The following SLC25A53 variants were observed in gnomAD, a reference collection of about 807,000 sequenced individuals.
SLC25A53 encodes mitochondrial carrier triple repeat protein 6.
Under a neutral mutation model 15.0 loss-of-function variants are expected in SLC25A53, and 5 were observed. The ratio of observed to expected loss-of-function variants is 0.33; its 90% confidence interval spans 0.17 to 0.70. The LOEUF is 0.70. Among genes scored for constraint, SLC25A53 ranks in the 30% least tolerant of loss-of-function variants. The probability of loss-of-function intolerance (pLI) is 0.67; values close to 1 mark genes in which losing one functional copy is unlikely to be tolerated. For missense variants in SLC25A53, 216 were observed against 241.6 expected (o/e 0.89, Z 0.70); for synonymous variants, 95 against 100.0 (o/e 0.95, Z 0.30).
intron 1 of SLC25A53, among the ~76,000 whole-genome samples, chrX:104,140,872 C>G (rs1452075677): frequency 9.0e-6 from 1 of 111,314 alleles, no homozygotes; most frequent in Non-Finnish European, 1.9e-5. Flanking sequence ...CAGGAGAAGG[C>G]CACCTTAAGC....
intron 1 of SLC25A53, among the ~76,000 whole-genome samples, chrX:104,152,114 A>G (rs1349646855): frequency 9.0e-6 from 1 of 110,643 alleles, no homozygotes; most frequent in East Asian, 2.9e-4. Flanking sequence ...TTTAGGGTAC[A>G]TGTGCACAAC....
intron 1 of SLC25A53, among the ~76,000 whole-genome samples, chrX:104,111,548 CAAG>C (rs2075344117): frequency 9.0e-6 from 1 of 110,833 alleles, no homozygotes; most frequent in African/African-American, 3.3e-5. Context: ...AGAAAAGTAC[CAAG>C]AAGAGTTTCC....
chrX:104,148,933 G>A lies in SLC25A53; in HGVS notation c.-32+7945C>T, dbSNP rs918761347. Among the ~76,000 whole-genome samples, 5 of 112,540 alleles carry A rather than the reference G, an allele frequency of 4.4e-5. No homozygotes were observed. In the Admixed American group the frequency reaches 4.7e-4, roughly 11 times the overall value. On this transcript the variant is annotated intron_variant, in intron 1 of 1. Coordinates refer to ENST00000594199, the MANE Select transcript of SLC25A53 (RefSeq NM_001012755.5). ...CAAAAAACTCCACACACTTCTGTTA[G>A]TTTTAATCAAGATGTTCAGTTAAAA...
chrX:104,106,108 C>G (rs1189594226), intron 1 of SLC25A53, among the ~76,000 whole-genome samples: 5 of 111,015 alleles, frequency 4.5e-5, no homozygotes, highest in Admixed American at 9.6e-5. Context: ...GTGTGATGAC[C>G]AAAAATATCT....
intron 1 of SLC25A53, among the ~76,000 whole-genome samples, chrX:104,141,161 G>A (rs886482295): frequency 8.9e-6 from 1 of 111,741 alleles, no homozygotes; most frequent in African/African-American, 3.3e-5. Flanking sequence ...ATTTATTCAA[G>A]AAAACAACTG....
At chrX:104,125,394 GT>G (rs2075408158) in intron 1 of SLC25A53, among the ~76,000 whole-genome samples, 1 of 111,790 alleles carries the variant, frequency 8.9e-6, no homozygotes, top group Admixed American at 9.6e-5. Context: ...TACTTGCCTT[GT>G]GCTGTTTATG....
intron 1 of SLC25A53, among the ~76,000 whole-genome samples, chrX:104,127,347 C>A (rs1569462901): frequency 9.0e-6 from 1 of 111,370 alleles, no homozygotes; most frequent in Admixed American, 9.5e-5. Context: ...AAGGATGGGG[C>A]AGGGTGGGTA....
chrX:104,114,549 C>A, intron 1 of SLC25A53: 1 of 1,211,616 alleles, frequency 8.3e-7, no homozygotes, highest in Non-Finnish European at 1.1e-6. Context: ...AGAAAGCCTC[C>A]CTTTATGTGA....
chrX:104,124,867 CAA>C (rs1271173853), intron 1 of SLC25A53, among the ~76,000 whole-genome samples: 2 of 52,088 alleles, frequency 3.8e-5, no homozygotes, highest in Non-Finnish European at 6.8e-5. Flanking sequence ...TTTTTTGAGA[CAA>C]AGTCTCACTG....
At chrX:104,126,434 A>G (rs1345583233) in intron 1 of SLC25A53, among the ~76,000 whole-genome samples, 2 of 111,767 alleles carry the variant, frequency 1.8e-5, no homozygotes, top group Non-Finnish European at 3.8e-5. Context: ...TGAGAGCATC[A>G]CTTGAGGCCA....
intron 1 of SLC25A53, among the ~76,000 whole-genome samples, chrX:104,137,725 A>G (rs1367601315): frequency 4.5e-5 from 5 of 111,691 alleles, no homozygotes; most frequent in Non-Finnish European, 9.4e-5. Flanking sequence ...TGGACCAACC[A>G]GAACTCAGCT....
intron 1 of SLC25A53, among the ~76,000 whole-genome samples, chrX:104,143,994 C>T (rs1389377867): frequency 5.4e-5 from 6 of 111,318 alleles, no homozygotes; most frequent in African/African-American, 2.0e-4. Context: ...CATATCCAGC[C>T]AAACTAAGCT....
chrX:104,124,513 C>A (rs2075404332), intron 1 of SLC25A53, among the ~76,000 whole-genome samples: 1 of 111,172 alleles, frequency 9.0e-6, no homozygotes, highest in Admixed American at 9.6e-5. Context: ...CTTTGGGAGG[C>A]TCTGGAGGAG....
rs1370722198 is a variant in SLC25A53 at position 104,156,956 on chromosome X, C to G, written c.-110G>C. 1 of 111,873 alleles carries G rather than the reference C, an allele frequency of 8.9e-6. No homozygotes were observed. Among genetic ancestry groups the G allele is most frequent in the Admixed American group, 9.5e-5 (1 of 10,581 alleles). The allele number at this position is 111,873 out of a possible 1,213,427, so 9.2% of individuals were successfully genotyped here. On this transcript the variant is annotated 5_prime_UTR_variant, in exon 1 of 2. Transcript: ENST00000594199. ...CAGAAAGCAGCGACAGTCGCAGTCACCGGACCTTCGCCCATCCGCCGCCCT... is the reference window on the plus strand; with the variant it reads ...CAGAAAGCAGCGACAGTCGCAGTCAGCGGACCTTCGCCCATCCGCCGCCCT...
intron 1 of SLC25A53, among the ~76,000 whole-genome samples, chrX:104,106,087 T>C (rs1386194253): frequency 1.8e-5 from 2 of 111,555 alleles, no homozygotes; most frequent in African/African-American, 3.3e-5. Flanking sequence ...GCACCAGTAG[T>C]GACTTACACA....
At chrX:104,151,500 A>G (rs182237164) in intron 1 of SLC25A53, among the ~76,000 whole-genome samples, 1 of 111,540 alleles carries the variant, frequency 9.0e-6, no homozygotes, top group African/African-American at 3.3e-5. Context: ...CCTCAGAAAA[A>G]CCATTCCAAA....
intron 1 of SLC25A53, among the ~76,000 whole-genome samples, chrX:104,149,350 A>G (rs781901944): frequency 2.7e-4 from 30 of 112,888 alleles, no homozygotes; most frequent in Non-Finnish European, 4.9e-4. Flanking sequence ...CATGGAGCAG[A>G]GATAGCTTGT....
chrX:104,119,700 G>A (rs1202967935), intron 1 of SLC25A53, among the ~76,000 whole-genome samples: 1 of 109,326 alleles, frequency 9.1e-6, no homozygotes, highest in Non-Finnish European at 1.9e-5. Context: ...GGGGCGGGGG[G>A]AGCAGAGGAA....
intron 1 of SLC25A53, among the ~76,000 whole-genome samples, chrX:104,121,951 G>C (rs1039256756): frequency 3.1e-4 from 20 of 64,556 alleles, no homozygotes; most frequent in Non-Finnish European, 5.6e-4. Context: ...ATAGATATTT[G>C]GTAGAGATGG....
Sources: gnomAD v4.1 joint callset for allele counts (sites outside exome capture counted in the v4.1 genomes callset) on GRCh38, gnomAD v4.1.1 for gene constraint, MANE v1.5 for transcripts, NCBI Gene and HGNC (gene_info 2026-07-23, HGNC 2026-07-21) for gene names.